Variants in MRPL23 observed in about 807,000 individuals in gnomAD.
The protein encoded by MRPL23 is mitochondrial ribosomal protein L23.
For missense variants in MRPL23, 25 were observed against 81.3 expected, an observed-to-expected ratio of 0.31 and a Z score of 2.66; for synonymous variants, 12 against 34.8, an observed-to-expected ratio of 0.35 and a Z score of 2.30.
downstream of MRPL23, among the ~76,000 whole-genome samples, chr11:1,988,847 T>G (rs1635150): frequency 6.2e-3 from 897 of 145,502 alleles, 15 homozygotes; most frequent in African/African-American, 0.021. Flanking sequence ...TTGACAGGCA[T>G]GGAGCTAAGG....
At chr11:1,983,952 C>T (rs1428880218) in intron 5 of MRPL23, 1 of 119,734 alleles carries the variant, frequency 8.4e-6, no homozygotes, top group Admixed American at 8.1e-5. Context: ...GTGGGGACCG[C>T]CCTCCCGACG....
chr11:1,968,634 AG>A (rs1856575458), intron 4 of MRPL23, among the ~76,000 whole-genome samples: 1 of 146,276 alleles, frequency 6.8e-6, no homozygotes, highest in African/African-American at 2.4e-5. Flanking sequence ...CCTGTCCGTC[AG>A]GCTCATGGAA....
At chr11:1,971,245 C>T (rs940223871) in intron 4 of MRPL23, among the ~76,000 whole-genome samples, 4 of 109,364 alleles carry the variant, frequency 3.7e-5, no homozygotes, top group African/African-American at 1.0e-4. Flanking sequence ...AGCCCGAAGC[C>T]AGCCCTTCCA....
chr11:1,990,449 C>T, the MRPL23 span, among the ~76,000 whole-genome samples: 1 of 142,792 alleles, frequency 7.0e-6, no homozygotes, highest in East Asian at 2.1e-4. Context: ...AGCCTGAGGC[C>T]CCCTCTCTGC....
At chr11:1,994,619 C>T in the MRPL23 span, among the ~76,000 whole-genome samples, 5 of 90,620 alleles carry the variant, frequency 5.5e-5, 1 homozygote, top group Admixed American at 2.2e-4. Context: ...GCCGTCCCTC[C>T]GGCGTGGCCC....
chr11:1,979,571 ACAG>A (rs1856718347), intron 5 of MRPL23, among the ~76,000 whole-genome samples: 1 of 121,570 alleles, frequency 8.2e-6, no homozygotes, highest in African/African-American at 2.8e-5. Flanking sequence ...CATCCTCAGC[ACAG>A]CCGGTGGCAG....
chr11:1,991,640 C>G, the MRPL23 span, among the ~76,000 whole-genome samples: 1 of 138,268 alleles, frequency 7.2e-6, no homozygotes, highest in Non-Finnish European at 1.6e-5. Context: ...TGGGGGAGAC[C>G]ATTCCCTGAG....
At chr11:1,992,214 C>T in the MRPL23 span, 3 of 97,850 alleles carry the variant, frequency 3.1e-5, no homozygotes, top group African/African-American at 8.3e-5. Context: ...ATGCAGAGAC[C>T]CACCAAGTGG....
At chr11:1,971,058 C>A (rs1177705794) in intron 4 of MRPL23, among the ~76,000 whole-genome samples, 2 of 142,782 alleles carry the variant, frequency 1.4e-5, no homozygotes, top group African/African-American at 5.0e-5. Context: ...CTCCTCTGCA[C>A]CCTCACGTCC....
At chr11:1,957,406 C>T (rs1368689270), downstream of MRPL23, among the ~76,000 whole-genome samples, 1 of 406 alleles carries the variant, frequency 2.5e-3, no homozygotes, top group African/African-American at 2.7e-3. Flanking sequence ...GGTCTAGACC[C>T]TTGTTCTGTC....
At chr11:1,994,641 C>T in the MRPL23 span, among the ~76,000 whole-genome samples, 8 of 86,514 alleles carry the variant, frequency 9.2e-5, 3 homozygotes, top group Non-Finnish European at 2.5e-4. Context: ...GGCTCCCACC[C>T]ACAGCAAAAG....
intron 5 of MRPL23, chr11:1,983,486 A>G (rs1397444371): frequency 1.2e-5 from 1 of 84,912 alleles, no homozygotes; most frequent in African/African-American, 4.2e-5. Flanking sequence ...CCAGCGGCCC[A>G]TGAAGCCGTC....
chr11:1,971,321 C>A (rs1443452119), intron 4 of MRPL23, among the ~76,000 whole-genome samples: 1 of 106,392 alleles, frequency 9.4e-6, no homozygotes, highest in Admixed American at 9.6e-5. Flanking sequence ...ACTCCTCTCT[C>A]TTCCACACCA....
chr11:1,991,550 TCACACACACACA>T, the MRPL23 span, among the ~76,000 whole-genome samples: 12 of 67,822 alleles, frequency 1.8e-4, no homozygotes, highest in South Asian at 8.9e-4. Context: ...TTGTCAGGCA[TCACACACACACA>T]CACACACACA....
At chr11:1,994,506 C>T in the MRPL23 span, among the ~76,000 whole-genome samples, 1 of 95,888 alleles carries the variant, frequency 1.0e-5, no homozygotes, top group African/African-American at 2.8e-5. Flanking sequence ...CTTCTTCCTC[C>T]CTCCTCCTGG....
At chr11:1,988,782 A>T (rs1856841768), downstream of MRPL23, among the ~76,000 whole-genome samples, 1 of 141,034 alleles carries the variant, frequency 7.1e-6, no homozygotes, top group Non-Finnish European at 1.6e-5. Context: ...CACCCCGCTC[A>T]AACATGCTGT....
downstream of MRPL23, among the ~76,000 whole-genome samples, chr11:1,973,734 A>G (rs2119563088): frequency 1.1e-4 from 1 of 8,978 alleles, no homozygotes; most frequent in Non-Finnish European, 2.9e-4. Flanking sequence ...GTTTCCACAC[A>G]TGGCCAGGAG....
the MRPL23 span, among the ~76,000 whole-genome samples, chr11:1,994,217 C>A: frequency 1.1e-5 from 1 of 93,326 alleles, no homozygotes; most frequent in African/African-American, 2.8e-5. Context: ...GAGGCCGGGA[C>A]CCCACCCTTA....
rs1856710895 is a variant in MRPL23 at position 1,979,096 on chromosome 11, AGAG to A, written c.498-5338_498-5336del. 1.4e-5 allele frequency among the ~76,000 whole-genome samples: 2 copies of A among 143,364 alleles called. 1 individual carries two copies. Among genetic ancestry groups the A allele is most frequent in the Non-Finnish European group, 3.1e-5 (2 of 64,200 alleles). The allele number at this position is 143,364 out of a possible 152,430, so 94.1% of individuals were successfully genotyped here. Reference sequence around the variant, plus strand: ...GCGAGGAGATGATGGCTGTCCCTGGAGAGGAGAGGCCTGGGGCCTGCCATCCGG... The same window carrying A: ...GCGAGGAGATGATGGCTGTCCCTGGAGAGAGGCCTGGGGCCTGCCATCCGG... On this transcript the variant is annotated intron_variant, in intron 5 of 5. Transcript: ENST00000397297.
Sources: allele counts gnomAD v4.1 joint callset (sites outside exome capture counted in the v4.1 genomes callset), GRCh38; gene constraint gnomAD v4.1.1; transcripts MANE v1.5; gene names NCBI Gene and HGNC (gene_info 2026-07-23, HGNC 2026-07-21).